Variants in CBFB observed in about 807,000 individuals in gnomAD.
CBFB encodes CBF-beta.
CBFB carries 9 observed loss-of-function variants against 30.4 expected under a neutral mutation model. The ratio of observed to expected loss-of-function variants is 0.30; its 90% CI spans 0.18 to 0.52. The LOEUF is 0.52. Among genes scored for constraint, CBFB ranks in the 20% least tolerant of loss-of-function variants. The pLI is 0.97. For missense variants in CBFB, 170 were observed against 244.0 expected, an observed-to-expected ratio of 0.70 and a Z score of 2.02; for synonymous variants, 94 against 84.0, an observed-to-expected ratio of 1.12 and a Z score of -0.65.
At chr16:67,043,744 G>A (rs1479835675) in intron 3 of CBFB, among the ~76,000 whole-genome samples, 1 of 152,216 alleles carries the variant, frequency 6.6e-6, no homozygotes, top group Non-Finnish European at 1.5e-5. Context: ...ATGTGAAAAT[G>A]CCTTTTAAAT....
Position 67,036,668 on chromosome 16 carries a change from T to C in CBFB, c.195T>C (p.Ser65=). 6.2e-7 allele frequency: 1 copy of C among 1,613,598 alleles called. No homozygotes were observed. The highest frequency in any genetic ancestry group is 8.5e-7 in the Non-Finnish European group (1 of 1,179,542). ...IAFVATGTNL[S]LQFFPASWQG... Reference sequence around the variant, plus strand: ...TTGTGGCCACAGGAACCAATCTGTCTCTCCAGTTTTTTCCGGCCAGCTGGC... The same window carrying C: ...TTGTGGCCACAGGAACCAATCTGTCCCTCCAGTTTTTTCCGGCCAGCTGGC... The change falls in exon 3 of 6, where the codon TCT becomes TCC. Residue 65 remains serine, a synonymous_variant. Transcript: ENST00000412916.
At chr16:67,085,673 CTTTTTTTTTT>C (rs764788080) in intron 5 of CBFB, among the ~76,000 whole-genome samples, 1 of 115,440 alleles carries the variant, frequency 8.7e-6, no homozygotes, top group Non-Finnish European at 1.8e-5. Flanking sequence ...AATTTAGTAT[CTTTTTTTTTT>C]TTTTTTTTTT....
At chr16:67,073,527 C>T (rs1961294801) in intron 4 of CBFB, among the ~76,000 whole-genome samples, 1 of 152,204 alleles carries the variant, frequency 6.6e-6, no homozygotes, top group African/African-American at 2.4e-5. Flanking sequence ...AGGTGGATCA[C>T]TTGAGGTCAG....
chr16:67,077,464 C>T (rs777140900), intron 4 of CBFB, among the ~76,000 whole-genome samples: 1 of 152,164 alleles, frequency 6.6e-6, no homozygotes, highest in Non-Finnish European at 1.5e-5. Context: ...TGAAAAGTTA[C>T]GTGCTACAGA....
At chr16:67,055,507 C>G (rs762411115) in intron 3 of CBFB, among the ~76,000 whole-genome samples, 1 of 151,672 alleles carries the variant, frequency 6.6e-6, no homozygotes, top group Non-Finnish European at 1.5e-5. Context: ...GTGCCCGCCA[C>G]CACGCCCAGC....
chr16:67,086,288 A>C (rs139411953), intron 5 of CBFB, among the ~76,000 whole-genome samples: 1 of 152,246 alleles, frequency 6.6e-6, no homozygotes, highest in East Asian at 1.9e-4. Flanking sequence ...CCTGATGTAG[A>C]ATGTTCTTTT....
chr16:67,068,026 A>G (rs993977496), intron 4 of CBFB, among the ~76,000 whole-genome samples: 4 of 152,208 alleles, frequency 2.6e-5, no homozygotes, highest in African/African-American at 9.6e-5. Flanking sequence ...TAGACTGGCA[A>G]ACTCCCTGAT....
At chr16:67,058,681 C>A (rs538227779) in intron 3 of CBFB, among the ~76,000 whole-genome samples, 17 of 152,098 alleles carry the variant, frequency 1.1e-4, no homozygotes, top group Non-Finnish European at 2.5e-4. Context: ...GAAAAAAATT[C>A]TAGATTCTAG....
intron 2 of CBFB, among the ~76,000 whole-genome samples, chr16:67,032,207 A>G (rs1466606413): frequency 6.6e-6 from 1 of 152,172 alleles, no homozygotes; most frequent in Non-Finnish European, 1.5e-5. Flanking sequence ...TAGACATTCT[A>G]GACCTTCCCC....
At chr16:67,075,138 C>G (rs1206445224) in intron 4 of CBFB, among the ~76,000 whole-genome samples, 3 of 150,784 alleles carry the variant, frequency 2.0e-5, no homozygotes, top group Non-Finnish European at 4.4e-5. Flanking sequence ...TTCAGTGAGC[C>G]GAGATCACGT....
intron 5 of CBFB, among the ~76,000 whole-genome samples, chr16:67,092,270 T>C (rs1300127353): frequency 6.6e-6 from 1 of 152,212 alleles, no homozygotes; most frequent in Admixed American, 6.5e-5. Flanking sequence ...CTCATTCTTT[T>C]TTATGGCTGC....
chr16:67,066,257 A>G (rs796447867), intron 3 of CBFB, among the ~76,000 whole-genome samples: 1 of 151,904 alleles, frequency 6.6e-6, no homozygotes, highest in Non-Finnish European at 1.5e-5. Flanking sequence ...TTCAAAAATC[A>G]AAGTGTCTGG....
chr16:67,055,260 A>G (rs1960681074), intron 3 of CBFB, among the ~76,000 whole-genome samples: 1 of 151,948 alleles, frequency 6.6e-6, no homozygotes. Flanking sequence ...TATTCTTAAC[A>G]GAAGTCTGAG....
chr16:67,041,900 C>CTT (rs577858550), intron 3 of CBFB, among the ~76,000 whole-genome samples: 49 of 125,200 alleles, frequency 3.9e-4, no homozygotes, highest in African/African-American at 5.9e-4. Context: ...TCCTGCCCTT[C>CTT]TTTTTTTTTT....
rs374543756 is a variant in CBFB at position 67,029,643 on chromosome 16, C to T, written c.79-84C>T. The T allele has an allele frequency of 1.7e-5, 23 of 1,382,554 alleles. 1 individual carries two copies. The highest frequency in any genetic ancestry group is 2.5e-5 in the South Asian group (2 of 81,174). The allele number at this position is 1,382,554 out of a possible 1,614,324, so 85.6% of individuals were successfully genotyped here. On this transcript the variant is annotated intron_variant, in intron 1 of 5. Transcript: ENST00000412916. ...GCCATCGCCCGCAGCCTCTGCTTGC[C>T]CTTATCGGCGCTGCGCTGGGAGGGC...
chr16:67,039,578 G>A (rs1244562807), intron 3 of CBFB, among the ~76,000 whole-genome samples: 1 of 152,146 alleles, frequency 6.6e-6, no homozygotes, highest in Non-Finnish European at 1.5e-5. Flanking sequence ...TGTCATATAT[G>A]TGATCCATTT....
intron 2 of CBFB, among the ~76,000 whole-genome samples, chr16:67,030,875 T>G (rs1238836279): frequency 1.3e-5 from 2 of 152,200 alleles, no homozygotes; most frequent in African/African-American, 4.8e-5. Flanking sequence ...ATTACAGGCG[T>G]GAGCCACTGC....
At chr16:67,055,353 CTTTCTTTTT>C (rs1960686561) in intron 3 of CBFB, among the ~76,000 whole-genome samples, 2 of 117,434 alleles carry the variant, frequency 1.7e-5, no homozygotes, top group African/African-American at 7.5e-5. Context: ...ATTCCAGACA[CTTTCTTTTT>C]TTTTTTTTTT....
At chr16:67,096,272 C>T (rs1962042800) in intron 5 of CBFB, among the ~76,000 whole-genome samples, 1 of 151,612 alleles carries the variant, frequency 6.6e-6, no homozygotes, top group Non-Finnish European at 1.5e-5. Flanking sequence ...GATTGCGCTA[C>T]TGTACTCCAG....
Sources: allele counts gnomAD v4.1 joint callset (sites outside exome capture counted in the v4.1 genomes callset), GRCh38; gene constraint gnomAD v4.1.1; transcripts MANE v1.5; gene names NCBI Gene and HGNC (gene_info 2026-07-23, HGNC 2026-07-21).